SMARCA1: variants seen among roughly 807,000 people sequenced by gnomAD.
The protein encoded by SMARCA1 is SWI/SNF-related matrix-associated actin-dependent regulator of chromatin subfamily A member 1.
Under a neutral mutation model 93.6 loss-of-function variants are expected in SMARCA1, and 17 were observed. That is an observed-to-expected ratio of 0.18 (90% CI 0.12 to 0.27). The LOEUF (loss-of-function observed/expected upper bound fraction) is 0.27, where lower values mean the gene tolerates loss of function less well. SMARCA1 is among the 10% of genes least tolerant of loss of function. SMARCA1 has a pLI of 1.00. For synonymous variants in SMARCA1, 271 were observed against 271.4 expected (o/e 1.00, Z 0.01); for missense variants, 630 against 819.0 (o/e 0.77, Z 2.82).
At chrX:129,504,549 T>TTAA (rs1934705882) in intron 9 of SMARCA1, among the ~76,000 whole-genome samples, 185 bp downstream of exon 9, 2 of 24,207 alleles carry the variant, frequency 8.3e-5, no homozygotes, top group Non-Finnish European at 1.4e-4. Context: ...CATAGAGGAA[T>TTAA]AAAAAAAAAA....
chrX:129,481,298 T>C, intron 17 of SMARCA1, 113 bp from the exon 18 acceptor site: 1 of 483,878 alleles, frequency 2.1e-6, no homozygotes, highest in Non-Finnish European at 3.5e-6. Context: ...TCAGGAAGAA[T>C]CAAAACTTGC....
At chrX:129,509,110 C>T (rs6529383) in intron 6 of SMARCA1, among the ~76,000 whole-genome samples, 2,324 of 109,141 alleles carry the variant, frequency 0.021, 75 homozygotes, top group African/African-American at 0.073. Flanking sequence ...TCGCTTGAAC[C>T]CAGGAGGCGG....
intron 14 of SMARCA1, among the ~76,000 whole-genome samples, chrX:129,491,369 T>C (rs757260234): frequency 8.9e-6 from 1 of 111,732 alleles, no homozygotes; most frequent in Admixed American, 9.5e-5. Context: ...AGGGGTTACC[T>C]GTAGTGTCAT....
Position 129,508,049 on chromosome X carries a change from G to A in SMARCA1, c.858C>T (p.Cys286=), listed in dbSNP as rs142002155. Residue 286 remains cysteine (C), a synonymous_variant, in exon 7 of 25, where the codon TGC becomes TGT. Transcript: ENST00000371121. ...DEMMPGEWDV[C]VTSYEMVIKE... is the part of the protein sequence containing the mutation. Reference sequence around the variant, plus strand: ...TAATTACCATCTCATAAGAAGTAACGCAAACATCCCACTCTCCTGGCATCA... The same window carrying A: ...TAATTACCATCTCATAAGAAGTAACACAAACATCCCACTCTCCTGGCATCA... 3.3e-5 allele frequency: 39 copies of A among 1,184,840 alleles called. No individual in the cohort carries two copies. The highest frequency in any genetic ancestry group is 2.4e-4 in the East Asian group (8 of 33,010).
At chrX:129,491,011 G>A (rs1370266780) in intron 14 of SMARCA1, among the ~76,000 whole-genome samples, 1 of 111,751 alleles carries the variant, frequency 8.9e-6, no homozygotes, top group African/African-American at 3.3e-5. Context: ...TTCCAGTTCA[G>A]TAACACTGTA....
chrX:129,522,549 G>A (rs1476100766), intron 1 of SMARCA1, among the ~76,000 whole-genome samples: 4 of 108,981 alleles, frequency 3.7e-5, no homozygotes, highest in African/African-American at 1.3e-4. Context: ...GTACGACGCA[G>A]AGAGCTCCTT....
intron 5 of SMARCA1, among the ~76,000 whole-genome samples, chrX:129,512,689 T>C (rs1282409716): frequency 8.9e-6 from 1 of 112,438 alleles, no homozygotes; most frequent in Non-Finnish European, 1.9e-5. Context: ...TTTATAAATG[T>C]CTGCTTAAAG....
At chrX:129,501,353 T>G (rs1256303316) in intron 9 of SMARCA1, among the ~76,000 whole-genome samples, 1 of 109,758 alleles carries the variant, frequency 9.1e-6, no homozygotes, top group Admixed American at 9.7e-5. Flanking sequence ...TGGAATGCAG[T>G]GGGGCAATCT....
chrX:129,523,144 G>A (rs1935474064), intron 1 of SMARCA1, 53 bp downstream of exon 1: 1 of 1,177,592 alleles, frequency 8.5e-7, no homozygotes, highest in Non-Finnish European at 1.2e-6. Flanking sequence ...GGGCCCCTCA[G>A]AGGGGCCAGG....
chrX:129,511,318 G>A (rs774870201), intron 6 of SMARCA1, among the ~76,000 whole-genome samples: 3 of 111,448 alleles, frequency 2.7e-5, no homozygotes, highest in Admixed American at 9.6e-5. Flanking sequence ...AAAACACGAG[G>A]CTCTCTGTAC....
At chrX:129,522,067 T>C (rs893198445) in intron 1 of SMARCA1, among the ~76,000 whole-genome samples, 2 of 111,684 alleles carry the variant, frequency 1.8e-5, no homozygotes, top group African/African-American at 6.5e-5. Context: ...TACTCGTAAA[T>C]AGGAAAAAAT....
intron 15 of SMARCA1, 62 bp downstream of exon 15, chrX:129,489,998 C>T (rs1196544727): frequency 1.1e-6 from 1 of 899,264 alleles, no homozygotes; most frequent in Admixed American, 3.0e-5. Flanking sequence ...AAGTAATCTC[C>T]TTTGAAGAAA....
At chrX:129,459,842 C>G (rs898214457) in intron 23 of SMARCA1, among the ~76,000 whole-genome samples, 4 of 111,222 alleles carry the variant, frequency 3.6e-5, no homozygotes, top group African/African-American at 1.3e-4. Context: ...ATGCTGGTCT[C>G]TTTAAATACA....
chrX:129,450,701 A>C (rs1932248866), intron 23 of SMARCA1, among the ~76,000 whole-genome samples: 1 of 111,200 alleles, frequency 9.0e-6, no homozygotes, highest in African/African-American at 3.3e-5. Flanking sequence ...GAAATAGCTA[A>C]AAGAATATTA....
chrX:129,471,080 T>G, intron 20 of SMARCA1, 124 bp downstream of exon 20: 1 of 462,728 alleles, frequency 2.2e-6, no homozygotes, highest in Non-Finnish European at 3.5e-6. Context: ...GTTTACAAAA[T>G]AGCCCTGAGT....
chrX:129,511,877 T>C lies in SMARCA1; in HGVS notation c.737A>G (p.Asn246Ser), dbSNP rs145954872. 3.3e-5 allele frequency: 40 copies of C among 1,202,255 alleles called. No individual in the cohort carries two copies. Among genetic ancestry groups the C allele is most frequent in the Admixed American group, 4.4e-5 (2 of 45,614 alleles). ...CCATCGTTTAAATTCATTCATCCAG[T>C]TGTGTAAAGTAGACTTTGGAACTAA... ...MVLVPKSTLH[N>S]WMNEFKRWVP... Residue 246 changes from asparagine to serine, a missense_variant, in exon 6 of 25, where the codon AAC becomes AGC. Physicochemically the swap from Asn to Ser is conservative, Grantham distance 46. Around this residue, in one of 4 missense-constraint regions of SMARCA1, gnomAD observed 382 missense variants for 537.9 expected, o/e 0.71. Transcript: ENST00000371121.
At chrX:129,523,059 GC>G in intron 1 of SMARCA1, 137 bp downstream of exon 1, 1 of 676,337 alleles carries the variant, frequency 1.5e-6, no homozygotes, top group Non-Finnish European at 2.2e-6. Context: ...CGGTTCCGCC[GC>G]CGACCCCCGC....
intron 10 of SMARCA1, among the ~76,000 whole-genome samples, chrX:129,499,025 T>C (rs1934450462): frequency 9.2e-6 from 1 of 108,773 alleles, no homozygotes; most frequent in South Asian, 4.0e-4. Flanking sequence ...TTATTTTCAC[T>C]GAAGGAAAAA....
chrX:129,492,058 G>T lies in SMARCA1; in HGVS notation c.1698C>A (p.Ser566Arg). 8.5e-7 allele frequency: 1 copy of T among 1,179,753 alleles called. No homozygotes were observed. The highest frequency in any genetic ancestry group is 1.2e-6 in the Non-Finnish European group (1 of 867,923). Reference sequence around the variant, plus strand: ...TGGTACTTAGCATAAAGATGAATTTGCTACTATTAGGAGCATTAAAAGCCT... The same window carrying T: ...TGGTACTTAGCATAAAGATGAATTTTCTACTATTAGGAGCATTAAAAGCCT... ...AIEAFNAPNS[S>R]KFIFMLSTRA... Residue 566 changes from serine (S) to arginine (R), a missense_variant, in exon 14 of 25, where the codon AGC (serine) becomes AGA (arginine). By Grantham distance (110) the Ser-to-Arg change is moderately radical (BLOSUM62 -1). Transcript: ENST00000371121.
Sources: allele counts gnomAD v4.1 joint callset (sites outside exome capture counted in the v4.1 genomes callset), GRCh38; gene constraint gnomAD v4.1.1; regional missense constraint gnomAD v4.1.1; transcripts MANE v1.5; gene names NCBI Gene and HGNC (gene_info 2026-07-23, HGNC 2026-07-21).